ASPRV1: variants seen among roughly 807,000 people sequenced by gnomAD.
The protein encoded by ASPRV1 is aspartic peptidase retroviral like 1.
Under a neutral mutation model 11.0 loss-of-function variants are expected in ASPRV1, and 7 were observed. The ratio of observed to expected loss-of-function variants is 0.64; its 90% CI spans 0.36 to 1.20. The LOEUF (loss-of-function observed/expected upper bound fraction) is 1.20. ASPRV1 is among the 50% of genes most tolerant of loss of function. The pLI is 0.02. For synonymous variants in ASPRV1, 136 were observed against 138.4 expected, an observed-to-expected ratio of 0.98 and a Z score of 0.12; for missense variants, 299 against 320.0, an observed-to-expected ratio of 0.93 and a Z score of 0.50.
chr2:69,983,411 T>C, the ASPRV1 span, among the ~76,000 whole-genome samples: 1 of 152,168 alleles, frequency 6.6e-6, no homozygotes. Flanking sequence ...TTCTGTTCCC[T>C]AGGGCATAGG....
the ASPRV1 span, chr2:69,936,905 T>C: frequency 2.0e-6 from 1 of 489,136 alleles, no homozygotes; most frequent in Non-Finnish European, 4.1e-6. Flanking sequence ...AGGGGATTGC[T>C]GCAAACAAGG....
In ASPRV1 at chr2:69,961,239, G is replaced by A; in HGVS notation, c.198C>T (p.Tyr66=). 3 of 1,614,048 alleles carry A rather than the reference G, an allele frequency of 1.9e-6. No homozygotes were observed. The highest frequency in any genetic ancestry group is 1.7e-5 in the Admixed American group (1 of 60,008). The change falls in exon 1 of 1, where the codon TAC becomes TAT. Residue 66 remains tyrosine, a synonymous_variant. Transcript: ENST00000320256. Reference sequence around the variant, plus strand: ...CCTGGTCCTGGGGACTGAGCCTATTGTAGACACCCAGGGCCTCTCCTCTGA... The same window carrying A: ...CCTGGTCCTGGGGACTGAGCCTATTATAGACACCCAGGGCCTCTCCTCTGA... The part of the protein sequence containing the change: ...ESLRGEALGV[Y]NRLSPQDQGD...
chr2:70,047,488 G>A, the ASPRV1 span, among the ~76,000 whole-genome samples: 1 of 152,180 alleles, frequency 6.6e-6, no homozygotes, highest in African/African-American at 2.4e-5. Context: ...TATAAGCTAT[G>A]TGCAAGATCT....
the ASPRV1 span, among the ~76,000 whole-genome samples, chr2:70,083,205 G>T: frequency 2.0e-5 from 3 of 152,194 alleles, no homozygotes; most frequent in Non-Finnish European, 2.9e-5. Context: ...CATATCAAAA[G>T]CATCAGAAGC....
At chr2:70,057,952 C>T in the ASPRV1 span, among the ~76,000 whole-genome samples, 1 of 151,800 alleles carries the variant, frequency 6.6e-6, no homozygotes, top group African/African-American at 2.4e-5. Context: ...TGCCACCATG[C>T]CCAGCTAATT....
the ASPRV1 span, chr2:69,938,434 C>T: frequency 1.3e-6 from 1 of 752,962 alleles, no homozygotes; most frequent in Non-Finnish European, 2.1e-6. Flanking sequence ...CAAGGAGGTG[C>T]TTAGGATTGT....
the ASPRV1 span, among the ~76,000 whole-genome samples, chr2:70,062,218 C>G: frequency 1.8e-3 from 274 of 151,056 alleles, 4 homozygotes; most frequent in South Asian, 0.012. Context: ...GGCAGGAGAA[C>G]TGCTTGAACC....
chr2:70,055,177 C>G, the ASPRV1 span, among the ~76,000 whole-genome samples: 2 of 152,096 alleles, frequency 1.3e-5, no homozygotes, highest in African/African-American at 4.8e-5. Context: ...GTGGCGCACG[C>G]CTGTAATCCC....
rs990710293 is a variant in ASPRV1, at chr2:69,960,309, T to C, written c.*348A>G. Reference sequence around the variant, plus strand: ...TGAGGACCTGAGAGTGACCAAGCCATACCTCAGGGAATCTGAAGGGGTCCC... The same window carrying C: ...TGAGGACCTGAGAGTGACCAAGCCACACCTCAGGGAATCTGAAGGGGTCCC... On this transcript the variant is annotated 3_prime_UTR_variant, in exon 1 of 1. Transcript: ENST00000320256. 1.6e-5 allele frequency: 4 copies of C among 253,622 alleles called. No homozygotes were observed. The highest frequency in any genetic ancestry group is 3.1e-5 in the Non-Finnish European group (4 of 130,176). 15.7% of individuals were successfully genotyped at this position (253,622 alleles called of 1,614,324 possible).
the ASPRV1 span, among the ~76,000 whole-genome samples, chr2:70,010,133 C>T: frequency 6.6e-6 from 1 of 152,158 alleles, no homozygotes; most frequent in African/African-American, 2.4e-5. Flanking sequence ...AGGAGAGTCA[C>T]ACACCCTGGG....
the ASPRV1 span, chr2:69,975,706 G>A: frequency 1.3e-5 from 2 of 152,378 alleles, no homozygotes; most frequent in African/African-American, 4.8e-5. Flanking sequence ...CCAGCACGCA[G>A]TAGGGGCCGA....
At chr2:70,005,264 T>C in the ASPRV1 span, among the ~76,000 whole-genome samples, 1 of 152,108 alleles carries the variant, frequency 6.6e-6, no homozygotes. Flanking sequence ...TTCCCTATGT[T>C]TCCCAGGCTG....
At chr2:70,033,395 T>G in the ASPRV1 span, among the ~76,000 whole-genome samples, 2 of 152,024 alleles carry the variant, frequency 1.3e-5, no homozygotes, top group African/African-American at 4.8e-5. Flanking sequence ...ATTACCACAC[T>G]GCTTGGCCCC....
the ASPRV1 span, among the ~76,000 whole-genome samples, chr2:69,984,438 T>C: frequency 6.6e-6 from 1 of 152,154 alleles, no homozygotes; most frequent in Non-Finnish European, 1.5e-5. Flanking sequence ...TCCCCATTAT[T>C]TACAGCATGA....
At chr2:69,957,922 A>G (rs190575865), downstream of ASPRV1, among the ~76,000 whole-genome samples, 2 of 152,272 alleles carry the variant, frequency 1.3e-5, no homozygotes, top group Admixed American at 1.3e-4. Flanking sequence ...AAGGACTGCC[A>G]TGGTGTCCCA....
the ASPRV1 span, chr2:70,070,396 T>C: frequency 6.6e-6 from 1 of 152,136 alleles, no homozygotes; most frequent in East Asian, 1.9e-4. Context: ...CCAAGAATTC[T>C]AAACCTAACC....
chr2:70,022,562 T>C, the ASPRV1 span, among the ~76,000 whole-genome samples: 11 of 151,956 alleles, frequency 7.2e-5, no homozygotes, highest in Non-Finnish European at 1.2e-4. Context: ...TGGTGGCACA[T>C]GCCTGTAGTC....
chr2:70,046,536 A>G, the ASPRV1 span: 1 of 152,148 alleles, frequency 6.6e-6, no homozygotes, highest in African/African-American at 2.4e-5. Context: ...ATAAATCACA[A>G]TTCAGGATGG....
chr2:70,046,339 G>A, the ASPRV1 span: 1 of 152,142 alleles, frequency 6.6e-6, no homozygotes, highest in African/African-American at 2.4e-5. Flanking sequence ...TTCTTTAAAT[G>A]GTCTCAACAA....
Sources: gnomAD v4.1 joint callset for allele counts (sites outside exome capture counted in the v4.1 genomes callset) on GRCh38, gnomAD v4.1.1 for gene constraint, MANE v1.5 for transcripts, NCBI Gene and HGNC (gene_info 2026-07-23, HGNC 2026-07-21) for gene names.